The following DMXL2 variants were observed in gnomAD, a reference collection of about 807,000 sequenced individuals.
DMXL2 encodes the protein dmX-like protein 2.
Under a neutral mutation model 331.1 loss-of-function variants are expected in DMXL2, and 103 were observed. That is an observed-to-expected ratio of 0.31 (90% CI 0.27 to 0.37). The LOEUF is 0.37. DMXL2 is among the 10% of genes least tolerant of loss of function. DMXL2 has a pLI of 1.00. For missense variants in DMXL2, 3,171 were observed against 3,642.9 expected (o/e 0.87, Z 3.33); for synonymous variants, 1,281 against 1,252.1 (o/e 1.02, Z -0.49).
chr15:51,522,654 A>T (rs1398986545), intron 13 of DMXL2, among the ~76,000 whole-genome samples: 7 of 152,236 alleles, frequency 4.6e-5, no homozygotes, highest in Non-Finnish European at 1.0e-4. Context: ...CAAAAAAATA[A>T]AAACATAAAA....
intron 1 of DMXL2, among the ~76,000 whole-genome samples, chr15:51,592,138 A>C (rs571129720): frequency 6.6e-6 from 1 of 152,298 alleles, no homozygotes; most frequent in South Asian, 2.1e-4. Context: ...AGAACGTTCG[A>C]ACCCATGGCA....
chr15:51,462,901 C>T (rs1471186655), intron 33 of DMXL2, among the ~76,000 whole-genome samples: 1 of 152,228 alleles, frequency 6.6e-6, no homozygotes, highest in Non-Finnish European at 1.5e-5. Context: ...TAAGAGCAAT[C>T]TTCCTTCATC....
Position 51,605,767 on chromosome 15 carries a change from T to C in DMXL2, c.87+16692A>G, listed in dbSNP as rs186878162. ...ACCTTGTTAGCCAGGATGGTCTCGA[T>C]CTCCTGACCTCATGATCCACCCGCC... On this transcript the variant is annotated intron_variant, in intron 1 of 43. Coordinates refer to ENST00000560891, the MANE Select transcript of DMXL2 (RefSeq NM_001378457.1). Among the ~76,000 whole-genome samples the C allele has an allele frequency of 1.7e-5, 2 of 115,592 alleles. 1 individual carries two copies. Among genetic ancestry groups the C allele is most frequent in the Non-Finnish European group, 3.9e-5 (2 of 50,776 alleles). 75.8% of individuals were successfully genotyped at this position (115,592 alleles called of 152,430 possible). A position where few individuals can be genotyped will look rare whatever the true frequency, so the allele number is the denominator to read the frequency against.
At chr15:51,473,516 A>T (rs914110405) in intron 28 of DMXL2, among the ~76,000 whole-genome samples, 2 of 152,214 alleles carry the variant, frequency 1.3e-5, no homozygotes, top group Non-Finnish European at 2.9e-5. Flanking sequence ...GGGAGTTGAT[A>T]AGATCATCTC....
intron 13 of DMXL2, among the ~76,000 whole-genome samples, chr15:51,527,939 C>G (rs1032509013): frequency 3.3e-5 from 5 of 151,476 alleles, no homozygotes; most frequent in Admixed American, 1.3e-4. Context: ...TGTAGCAGGA[C>G]AAAGTTAAGG....
chr15:51,541,888 T>C (rs1346419122), intron 9 of DMXL2, among the ~76,000 whole-genome samples: 1 of 152,190 alleles, frequency 6.6e-6, no homozygotes, highest in African/African-American at 2.4e-5. Context: ...GTGTTTTCCT[T>C]AGTATAGGAC....
intron 15 of DMXL2, among the ~76,000 whole-genome samples, chr15:51,510,108 T>C (rs1035327356): frequency 1.3e-5 from 2 of 152,220 alleles, no homozygotes; most frequent in Non-Finnish European, 2.9e-5. Flanking sequence ...TCATGCTGAA[T>C]GGGCAAAAGC....
intron 6 of DMXL2, among the ~76,000 whole-genome samples, chr15:51,561,914 A>G (rs983837981): frequency 2.0e-5 from 3 of 152,240 alleles, no homozygotes; most frequent in Non-Finnish European, 4.4e-5. Flanking sequence ...ATTATGTTAC[A>G]TGAAATAAGA....
Position 51,450,068 on chromosome 15 carries a change from TTTTTG to T in DMXL2, c.8967+56_8967+60del. 19 of 1,429,290 alleles carry T rather than the reference TTTTTG, an allele frequency of 1.3e-5. No homozygotes were observed. The South Asian group carries it at 2.4e-4, about 18-fold the overall frequency. The allele number at this position is 1,429,290 out of a possible 1,614,324, so 88.5% of individuals were successfully genotyped here. A position where few individuals can be genotyped will look rare whatever the true frequency, so the allele number is the denominator to read the frequency against. On this transcript the variant is annotated intron_variant, in intron 43 of 43. Coordinates refer to ENST00000560891, the MANE Select transcript of DMXL2 (RefSeq NM_001378457.1). ...AAGCTTTATTTCAAAGAATGTGGAG[TTTTTG>T]TTTTTTCTCTTTCCAATCAGTCTTT...
At chr15:51,483,891 A>G (rs1205091783) in intron 23 of DMXL2, among the ~76,000 whole-genome samples, 1 of 151,206 alleles carries the variant, frequency 6.6e-6, no homozygotes, top group African/African-American at 2.4e-5. Context: ...ACAGCCTTGC[A>G]CCAGTCTCAG....
At chr15:51,470,060 T>C (rs1212189952) in intron 29 of DMXL2, among the ~76,000 whole-genome samples, 1 of 152,198 alleles carries the variant, frequency 6.6e-6, no homozygotes, top group African/African-American at 2.4e-5. Context: ...GACCCAAGAA[T>C]CTGCATTTCA....
At chr15:51,619,407 T>C (rs923814822) in intron 1 of DMXL2, among the ~76,000 whole-genome samples, 2 of 152,232 alleles carry the variant, frequency 1.3e-5, no homozygotes, top group African/African-American at 2.4e-5. Context: ...AACAGCTGTA[T>C]ACTGCCTAAA....
At chr15:51,605,925 G>A (rs543397002) in intron 1 of DMXL2, among the ~76,000 whole-genome samples, 1 of 152,288 alleles carries the variant, frequency 6.6e-6, no homozygotes, top group African/African-American at 2.4e-5. Flanking sequence ...GAATTAGTGG[G>A]CCAAAATCTA....
chr15:51,528,832 C>T (rs2047834522), intron 13 of DMXL2, among the ~76,000 whole-genome samples: 1 of 151,516 alleles, frequency 6.6e-6, no homozygotes, highest in African/African-American at 2.4e-5. Flanking sequence ...GCACATGGAT[C>T]ATTCTCGAGG....
At chr15:51,532,816 T>A (rs1011629416) in intron 13 of DMXL2, among the ~76,000 whole-genome samples, 1 of 152,110 alleles carries the variant, frequency 6.6e-6, no homozygotes, top group African/African-American at 2.4e-5. Flanking sequence ...TTTTAGTCAC[T>A]GCAACAAAAT....
Position 51,495,849 on chromosome 15 carries a change from A to C in DMXL2, c.4673-715T>G, listed in dbSNP as rs543602527. Reference sequence around the variant, plus strand: ...AATCAAATAGTATTTTCCAGAAAAAAAAAAACAAAAACTTTTAAATTGCCA... The same window carrying C: ...AATCAAATAGTATTTTCCAGAAAAACAAAAACAAAAACTTTTAAATTGCCA... On this transcript the variant is annotated intron_variant, in intron 18 of 43. Coordinates refer to ENST00000560891, the MANE Select transcript of DMXL2 (RefSeq NM_001378457.1). Among the ~76,000 whole-genome samples the C allele has an allele frequency of 4.6e-5, 7 of 152,242 alleles. No individual in the cohort carries two copies. The South Asian group carries it at 1.5e-3, about 32-fold the overall frequency.
chr15:51,604,274 TA>T (rs55703142), intron 1 of DMXL2, among the ~76,000 whole-genome samples: 11 of 126,392 alleles, frequency 8.7e-5, no homozygotes, highest in South Asian at 5.1e-4. Flanking sequence ...AGGGCATCTA[TA>T]AAAAAAAAAC....
intron 23 of DMXL2, among the ~76,000 whole-genome samples, chr15:51,482,036 T>C (rs1333094083): frequency 6.6e-6 from 1 of 152,214 alleles, no homozygotes; most frequent in Non-Finnish European, 1.5e-5. Flanking sequence ...AAAAAAGAGC[T>C]AGATTTCTCT....
chr15:51,563,339 CTTTTA>C, intron 6 of DMXL2, 37 bp downstream of exon 6: 1 of 1,441,964 alleles, frequency 6.9e-7, no homozygotes, highest in Non-Finnish European at 9.6e-7. Flanking sequence ...ATTTTAAATT[CTTTTA>C]TTTGTTTATT....
Sources: gnomAD v4.1 joint callset for allele counts (sites outside exome capture counted in the v4.1 genomes callset) on GRCh38, gnomAD v4.1.1 for gene constraint, MANE v1.5 for transcripts, NCBI Gene and HGNC (gene_info 2026-07-23, HGNC 2026-07-21) for gene names.